EYA2: variants seen among roughly 807,000 people sequenced by gnomAD.
EYA2 encodes the protein EYA transcriptional coactivator and phosphatase 2, also known as protein phosphatase EYA2.
Under a neutral mutation model 69.2 loss-of-function variants are expected in EYA2, and 31 were observed. The observed-to-expected ratio is 0.45, with a 90% CI of 0.34 to 0.60. The LOEUF (loss-of-function observed/expected upper bound fraction) is 0.60. Among genes scored for constraint, EYA2 ranks in the 20% least tolerant of loss-of-function variants. The pLI is 0.02. For missense variants in EYA2, 622 were observed against 701.2 expected (o/e 0.89, Z 1.28); for synonymous variants, 257 against 279.4 (o/e 0.92, Z 0.80).
intron 1 of EYA2, among the ~76,000 whole-genome samples, chr20:46,971,739 G>A (rs890202401): frequency 1.3e-5 from 2 of 152,172 alleles, no homozygotes; most frequent in Admixed American, 6.5e-5. Flanking sequence ...TTTACCATTA[G>A]CATGTGTATT....
chr20:47,038,933 A>G lies in EYA2; in HGVS notation c.415+22636A>G, dbSNP rs547209005. ...GAGAAAAACAAACAAAAAAACATTG[A>G]TCTTTTTCACAGCTACTGGGCCTTA... On this transcript the variant is annotated intron_variant, in intron 5 of 15. Coordinates refer to ENST00000327619, the MANE Select transcript of EYA2 (RefSeq NM_005244.5). Among the ~76,000 whole-genome samples the G allele has an allele frequency of 3.0e-4, 46 of 152,164 alleles. 1 individual carries two copies. Among genetic ancestry groups the G allele is most frequent in the African/African-American group, 1.1e-3 (46 of 41,520 alleles).
At chr20:47,166,787 A>G (rs1430355700) in intron 10 of EYA2, among the ~76,000 whole-genome samples, 1 of 151,924 alleles carries the variant, frequency 6.6e-6, no homozygotes, top group African/African-American at 2.4e-5. Context: ...TATCAGGTCC[A>G]TTTATCAGTC....
At chr20:46,973,021 G>C (rs1027753630) in intron 1 of EYA2, among the ~76,000 whole-genome samples, 1 of 152,142 alleles carries the variant, frequency 6.6e-6, no homozygotes, top group Non-Finnish European at 1.5e-5. Flanking sequence ...GGAGGTTAAT[G>C]GGGAACTTTA....
At position 47,016,173 on chromosome 20, in the gene EYA2, C is replaced by G. The variant is rs367617095; in HGVS notation, c.299-8C>G. The stretch of plus-strand genomic sequence containing the variant: ...TTGGTCCTTTTTTTTCCCCCTCTTC[C>G]TTCAAAGGCATCAAGACAGAAGACA... On this transcript the variant is annotated splice_region_variant and splice_polypyrimidine_tract_variant and intron_variant, in intron 4 of 15. Coordinates refer to ENST00000327619, the MANE Select transcript of EYA2 (RefSeq NM_005244.5). The G allele has an allele frequency of 1.2e-6, 2 of 1,607,398 alleles. No individual in the cohort carries two copies. The highest frequency in any genetic ancestry group is 1.7e-6 in the Non-Finnish European group (2 of 1,173,996).
chr20:47,045,856 C>G (rs904822852), intron 5 of EYA2, among the ~76,000 whole-genome samples: 6 of 150,498 alleles, frequency 4.0e-5, no homozygotes, highest in Non-Finnish European at 7.4e-5. Flanking sequence ...GTTTATTTCT[C>G]TCTTATGTAA....
intron 1 of EYA2, among the ~76,000 whole-genome samples, chr20:46,965,701 T>C (rs1470364435): frequency 6.6e-6 from 1 of 152,264 alleles, no homozygotes; most frequent in Non-Finnish European, 1.5e-5. Context: ...CTCTGAGTCT[T>C]GGCCTCCTGA....
intron 1 of EYA2, among the ~76,000 whole-genome samples, chr20:46,899,987 A>G (rs554507126): frequency 6.6e-6 from 1 of 152,364 alleles, no homozygotes; most frequent in East Asian, 1.9e-4. Context: ...TGAACAAAGT[A>G]TGTAATAGAG....
chr20:47,165,901 A>G (rs760867420), intron 10 of EYA2, among the ~76,000 whole-genome samples: 1 of 152,066 alleles, frequency 6.6e-6, no homozygotes, highest in Non-Finnish European at 1.5e-5. Flanking sequence ...AGACTACCTT[A>G]CGTATCTTTT....
In EYA2 at chr20:47,158,533, A is replaced by T. The variant is rs548624227; in HGVS notation, c.979-10606A>T. Among the ~76,000 whole-genome samples the T allele has an allele frequency of 2.7e-5, 4 of 149,692 alleles. No individual in the cohort carries two copies. The South Asian group carries it at 8.7e-4, about 32-fold the overall frequency. ...ACTCTGTCTCAAAAAAAAAAAAAGGAAACTGAAGACCTTGCTGTGTTACCT... is the reference window on the plus strand; with the variant it reads ...ACTCTGTCTCAAAAAAAAAAAAAGGTAACTGAAGACCTTGCTGTGTTACCT... On this transcript the variant is annotated intron_variant, in intron 10 of 15. Transcript: ENST00000327619.
chr20:47,098,107 T>C (rs2032306013), intron 9 of EYA2, among the ~76,000 whole-genome samples: 1 of 152,248 alleles, frequency 6.6e-6, no homozygotes. Context: ...ATTAGCAAGA[T>C]AGATTTATCG....
At chr20:47,014,073 A>G (rs1359682311) in intron 4 of EYA2, among the ~76,000 whole-genome samples, 1 of 152,202 alleles carries the variant, frequency 6.6e-6, no homozygotes, top group African/African-American at 2.4e-5. Flanking sequence ...TGAGGATAAA[A>G]GAGATGTGTT....
chr20:47,066,631 A>G (rs1200827642), intron 5 of EYA2, among the ~76,000 whole-genome samples: 1 of 151,866 alleles, frequency 6.6e-6, no homozygotes, highest in East Asian at 1.9e-4. Flanking sequence ...TTCAAAATTT[A>G]CTCCTATCCC....
chr20:46,894,889 A>C lies in EYA2; in HGVS notation c.-109A>C, dbSNP rs1253860745. 2 of 151,238 alleles carry C rather than the reference A, an allele frequency of 1.3e-5. No homozygotes were observed. Among genetic ancestry groups the C allele is most frequent in the Non-Finnish European group, 3.0e-5 (2 of 67,774 alleles). The allele number at this position is 151,238 out of a possible 1,614,324, so 9.4% of individuals were successfully genotyped here. ...GGCGGAGGCAGCGGCAACGGCAGAG[A>C]CAGCAACGTGCCCGCCGCAGTCAGC... On this transcript the variant is annotated 5_prime_UTR_variant, in exon 1 of 16. Transcript: ENST00000327619.
chr20:47,089,147 C>T, intron 7 of EYA2, 92 bp from the exon 8 acceptor site: 1 of 1,484,340 alleles, frequency 6.7e-7, no homozygotes, highest in Non-Finnish European at 9.2e-7. Context: ...GAACCCACTG[C>T]TTTGGAGCTA....
rs1336758324 is a variant in EYA2 at position 47,074,200 on chromosome 20, C to T, written c.526C>T (p.Gln176Ter). Residue 176 changes from glutamine to a stop codon, truncating the protein, a stop_gained, in exon 7 of 16, where the codon CAG (glutamine) becomes TAG (stop). Coordinates refer to ENST00000327619, the MANE Select transcript of EYA2 (RefSeq NM_005244.5). LOFTEE classifies it high-confidence loss of function. ...CGGCTTCCCCCAGAGCCAGTACCCC[C>T]AGTATTACGGCTCATCCTACAACCC... ...YPGFPQSQYP[Q>*]YYGSSYNPPY... The T allele has an allele frequency of 1.2e-6, 2 of 1,613,816 alleles. No homozygotes were observed. Among genetic ancestry groups the T allele is most frequent in the African/African-American group, 1.3e-5 (1 of 75,028 alleles).
intron 5 of EYA2, among the ~76,000 whole-genome samples, chr20:47,062,424 A>G: frequency 6.6e-6 from 1 of 152,160 alleles, no homozygotes; most frequent in East Asian, 1.9e-4. Context: ...CCGGTATCGC[A>G]GGCAGGCGCT....
chr20:47,170,889 G>A (rs535710266), intron 11 of EYA2, among the ~76,000 whole-genome samples: 16 of 152,278 alleles, frequency 1.1e-4, no homozygotes, highest in African/African-American at 3.8e-4. Context: ...CCAACTTACT[G>A]CAAAAACAAA....
chr20:47,057,663 CTTTG>C, intron 5 of EYA2, among the ~76,000 whole-genome samples: 1 of 152,198 alleles, frequency 6.6e-6, no homozygotes, highest in East Asian at 1.9e-4. Context: ...ACAGAGGTCC[CTTTG>C]CTATGGGGAA....
At chr20:46,895,445 C>G (rs1983755969) in intron 1 of EYA2, among the ~76,000 whole-genome samples, 1 of 152,222 alleles carries the variant, frequency 6.6e-6, no homozygotes, top group South Asian at 2.1e-4. Flanking sequence ...CGCTGGAATC[C>G]CGGCTTGGGG....
Sources: gnomAD v4.1 joint callset for allele counts (sites outside exome capture counted in the v4.1 genomes callset) on GRCh38, gnomAD v4.1.1 for gene constraint, MANE v1.5 for transcripts, NCBI Gene and HGNC (gene_info 2026-07-23, HGNC 2026-07-21) for gene names.